Variants in CWC22 observed in about 807,000 individuals in gnomAD.
CWC22 encodes CWC22 spliceosome associated protein, also known as pre-mRNA-splicing factor CWC22 homolog.
Under a neutral mutation model 117.2 loss-of-function variants are expected in CWC22, and 53 were observed. The ratio of observed to expected loss-of-function variants is 0.45; its 90% CI spans 0.36 to 0.57. CWC22 has a LOEUF of 0.57. Ranked by LOEUF, CWC22 falls within the 20% of genes least tolerant of loss-of-function variation. The pLI is 0.00. For missense variants in CWC22, 980 were observed against 1,068.8 expected (o/e 0.92, Z 1.16); for synonymous variants, 360 against 355.6 (o/e 1.01, Z -0.14).
chr2:179,951,869 C>T (rs1216652927), intron 17 of CWC22, among the ~76,000 whole-genome samples: 2 of 151,976 alleles, frequency 1.3e-5, no homozygotes, highest in African/African-American at 2.4e-5. Flanking sequence ...AGTAGGTAGT[C>T]AACTGCATAA....
chr2:179,946,467 G>A (rs1410235339), intron 19 of CWC22, among the ~76,000 whole-genome samples: 1 of 124,694 alleles, frequency 8.0e-6, no homozygotes, highest in Admixed American at 8.0e-5. Context: ...AAAAAAAAGG[G>A]GGGGGGGGAA....
At chr2:179,969,738 T>G (rs1686983338) in intron 11 of CWC22, among the ~76,000 whole-genome samples, 1 of 152,142 alleles carries the variant, frequency 6.6e-6, no homozygotes, top group South Asian at 2.1e-4. Flanking sequence ...AATAAATACT[T>G]CTCCAGTAAA....
chr2:179,997,468 C>G (rs574343552), intron 1 of CWC22, among the ~76,000 whole-genome samples: 31 of 152,208 alleles, frequency 2.0e-4, no homozygotes, highest in African/African-American at 7.2e-4. Context: ...ATTTTAGGAC[C>G]ATTTGCCTCA....
At chr2:179,989,882 TCAAA>T (rs1326500031) in intron 2 of CWC22, among the ~76,000 whole-genome samples, 1 of 152,092 alleles carries the variant, frequency 6.6e-6, no homozygotes, top group Non-Finnish European at 1.5e-5. Context: ...ATAAACTAAA[TCAAA>T]CAATGAATAA....
At chr2:179,996,689 ATGTAT>A (rs1687710881) in intron 1 of CWC22, among the ~76,000 whole-genome samples, 1 of 152,066 alleles carries the variant, frequency 6.6e-6, no homozygotes, top group Non-Finnish European at 1.5e-5. Context: ...AGGAGTATAA[ATGTAT>A]TTATTACCAC....
Position 179,955,052 on chromosome 2 carries a change from T to A in CWC22, c.1459-18A>T, listed in dbSNP as rs994338172. The A allele has an allele frequency of 6.6e-7, 1 of 1,506,806 alleles. No individual in the cohort carries two copies. The highest frequency in any genetic ancestry group is 1.4e-5 in the African/African-American group (1 of 72,736). 93.3% of individuals were successfully genotyped at this position (1,506,806 alleles called of 1,614,324 possible). On this transcript the variant is annotated intron_variant, in intron 14 of 19. Coordinates refer to ENST00000410053, the MANE Select transcript of CWC22 (RefSeq NM_020943.3). ...AGTTCTTTCTATTTGGGAAAAAAAATACATTAATGATTCAAAACACAAAGA... is the reference window on the plus strand; with the variant it reads ...AGTTCTTTCTATTTGGGAAAAAAAAAACATTAATGATTCAAAACACAAAGA...
At chr2:179,990,732 C>T (rs961387143) in intron 2 of CWC22, among the ~76,000 whole-genome samples, 5 of 152,146 alleles carry the variant, frequency 3.3e-5, no homozygotes, top group African/African-American at 1.2e-4. Flanking sequence ...TAACACATCT[C>T]CGCAACATCT....
intron 2 of CWC22, among the ~76,000 whole-genome samples, chr2:179,991,140 T>C (rs537604662): frequency 9.8e-5 from 15 of 152,304 alleles, no homozygotes; most frequent in Admixed American, 5.9e-4. Context: ...TAGTAACTCA[T>C]AGTCTCCAAC....
intron 5 of CWC22, among the ~76,000 whole-genome samples, chr2:179,980,744 T>C (rs1367165129): frequency 6.6e-6 from 1 of 152,186 alleles, no homozygotes; most frequent in Non-Finnish European, 1.5e-5. Flanking sequence ...ACTTTTCAAA[T>C]TGCTACTAAA....
At chr2:179,965,392 G>A (rs1686863391) in intron 12 of CWC22, among the ~76,000 whole-genome samples, 1 of 152,086 alleles carries the variant, frequency 6.6e-6, no homozygotes, top group Non-Finnish European at 1.5e-5. Context: ...TGTGAAATAA[G>A]GTAATCAAAG....
intron 1 of CWC22, among the ~76,000 whole-genome samples, chr2:180,005,986 C>T (rs1258549575): frequency 6.6e-6 from 1 of 152,232 alleles, no homozygotes; most frequent in East Asian, 1.9e-4. Flanking sequence ...TGCTTCTCCT[C>T]TCCTGGTCAA....
chr2:179,955,280 A>G lies in CWC22; in HGVS notation c.1459-246T>C, dbSNP rs149012457. On this transcript the variant is annotated intron_variant, in intron 14 of 19. Transcript: ENST00000410053. ...TTAATTATAAAATTCTAAATTCATG[A>G]TAAGTATGAACCACATCAAGAAAAT... 2.9e-3 allele frequency among the ~76,000 whole-genome samples: 436 copies of G among 151,942 alleles called. 3 individuals are homozygous for G. The highest frequency in any genetic ancestry group is 0.01 in the African/African-American group (425 of 41,410).
chr2:179,950,885 T>C lies in CWC22; in HGVS notation c.1859A>G (p.Asn620Ser), dbSNP rs925120853. The C allele has an allele frequency of 2.5e-6, 4 of 1,587,464 alleles. No homozygotes were observed. Among genetic ancestry groups the C allele is most frequent in the Non-Finnish European group, 3.4e-6 (4 of 1,165,452 alleles). Residue 620 changes from asparagine to serine, a missense_variant, in exon 18 of 20, where the codon AAT becomes AGT. Physicochemically the swap from Asn to Ser is conservative, Grantham distance 46 (BLOSUM62 1). Transcript: ENST00000410053. ...PFFEGLLPRD[N>S]PRNTRFAINF... Reference sequence around the variant, plus strand: ...GATGGCAAACCGAGTGTTTCTTGGATTATCTCGGGGTAATAATCCTTCAAA... The same window carrying C: ...GATGGCAAACCGAGTGTTTCTTGGACTATCTCGGGGTAATAATCCTTCAAA...
intron 13 of CWC22, among the ~76,000 whole-genome samples, chr2:179,963,829 T>C (rs965795761): frequency 6.6e-5 from 10 of 152,188 alleles, no homozygotes; most frequent in African/African-American, 2.4e-4. Context: ...AATGGAAATA[T>C]ACTAAACCTA....
At chr2:179,976,698 A>G (rs926833241) in intron 6 of CWC22, among the ~76,000 whole-genome samples, 11 of 152,178 alleles carry the variant, frequency 7.2e-5, no homozygotes, top group South Asian at 2.1e-4. Flanking sequence ...TAAAACCACA[A>G]TGAGACATCT....
intron 1 of CWC22, among the ~76,000 whole-genome samples, chr2:180,005,128 AAGG>A (rs937287221): frequency 6.6e-6 from 1 of 152,154 alleles, no homozygotes; most frequent in Non-Finnish European, 1.5e-5. Context: ...AACAAGCTTC[AAGG>A]AGATGATGCT....
At chr2:179,972,896 C>T (rs966470383) in intron 8 of CWC22, among the ~76,000 whole-genome samples, 2 of 151,920 alleles carry the variant, frequency 1.3e-5, no homozygotes, top group African/African-American at 4.8e-5. Context: ...GTAGTCCCAG[C>T]TACTCGGGAG....
Position 179,973,796 on chromosome 2 carries a change from C to G in CWC22, c.588G>C (p.Leu196=), listed in dbSNP as rs759912810. Residue 196 remains leucine, a synonymous_variant, in exon 7 of 20, where the codon CTG becomes CTC. Coordinates refer to ENST00000410053, the MANE Select transcript of CWC22 (RefSeq NM_020943.3). ...GTGCTTGCAAAACAGACCTGGACAGCAGTCCTCTGTTTAAAAAAGAATTTA... is the reference window on the plus strand; with the variant it reads ...GTGCTTGCAAAACAGACCTGGACAGGAGTCCTCTGTTTAAAAAAGAATTTA... ...LQENIVRGRG[L]LSRSVLQAQS... is the part of the protein sequence containing the mutation. The G allele has an allele frequency of 9.7e-6, 15 of 1,549,950 alleles. No individual in the cohort carries two copies. The South Asian group carries it at 1.5e-4, about 15-fold the overall frequency.
chr2:179,945,339 T>G lies in CWC22; in HGVS notation c.2517A>C (p.Arg839=). Residue 839 remains arginine, a synonymous_variant, in exon 20 of 20, where the codon CGA becomes CGC. Transcript: ENST00000410053. ...SFSENEKHTH[R]IKDSENFRRK... Reference sequence around the variant, plus strand: ...TTCTGAAATTTTCACTGTCTTTAATTCGGTGTGTATGCTTCTCATTTTCAG... The same window carrying G: ...TTCTGAAATTTTCACTGTCTTTAATGCGGTGTGTATGCTTCTCATTTTCAG... 2 of 1,613,300 alleles carry G rather than the reference T, an allele frequency of 1.2e-6. No homozygotes were observed. The highest frequency in any genetic ancestry group is 2.7e-5 in the African/African-American group (2 of 74,954).
Sources: gnomAD v4.1 joint callset for allele counts (sites outside exome capture counted in the v4.1 genomes callset) on GRCh38, gnomAD v4.1.1 for gene constraint, MANE v1.5 for transcripts, NCBI Gene and HGNC (gene_info 2026-07-23, HGNC 2026-07-21) for gene names.